The following TSC1 variants were observed in gnomAD, a reference collection of about 807,000 sequenced individuals.
TSC1 encodes the protein TSC complex subunit 1.
Under a neutral mutation model 124.3 loss-of-function variants are expected in TSC1, and 20 were observed. The observed-to-expected ratio is 0.16, with a 90% confidence interval of 0.11 to 0.23. The LOEUF is 0.23. TSC1 is among the 10% of genes least tolerant of loss of function. TSC1 has a pLI of 1.00. For missense variants in TSC1, 1,124 were observed against 1,448.5 expected, an observed-to-expected ratio of 0.78 and a Z score of 3.64; for synonymous variants, 493 against 539.1, an observed-to-expected ratio of 0.91 and a Z score of 1.19.
Position 132,923,456 on chromosome 9 carries a change from A to C in TSC1, c.400T>G (p.Leu134Val). 2 of 1,614,172 alleles carry C rather than the reference A, an allele frequency of 1.2e-6. No individual in the cohort carries two copies. The highest frequency in any genetic ancestry group is 1.7e-6 in the Non-Finnish European group (2 of 1,179,996). The change falls in exon 6 of 23, where the codon TTG (leucine) becomes GTG (valine). Residue 134 changes from leucine (L) to valine (V), a missense_variant. By Grantham distance (32) the Leu-to-Val change is conservative (BLOSUM62 1). Coordinates refer to ENST00000298552, the MANE Select transcript of TSC1 (RefSeq NM_000368.5). This position sits in a 1 kb window ranked among gnomAD's most constrained non-coding sequence, Gnocchi z 4.2. ...ATTGGTAGCATGGTTATCAACACCA[A>C]GACGCCTGTTGTGAGGACAACGACG... ...TDVVVLTTGV[L>V]VLITMLPMIP... is the part of the protein sequence containing the mutation.
chr9:132,896,255 T>G lies in TSC1; in HGVS notation c.3475A>C (p.Thr1159Pro), dbSNP rs1216169846. The G allele has an allele frequency of 6.2e-7, 1 of 1,614,180 alleles. No homozygotes were observed. The highest frequency in any genetic ancestry group is 8.5e-7 in the Non-Finnish European group (1 of 1,180,030). The change falls in exon 23 of 23, where the codon ACT becomes CCT. Residue 1159 changes from threonine (T) to proline (P), a missense_variant. Transcript: ENST00000298552. This position sits in a 1 kb window ranked among gnomAD's most constrained non-coding sequence, Gnocchi z 4.5. Reference protein sequence around the residue: ...GQLHIMDYNETHHEHS With the variant: ...GQLHIMDYNEPHHEHS The stretch of plus-strand genomic sequence containing the variant: ...ATTCCTTAGCTGTGTTCATGATGAG[T>G]CTCATTGTAGTCCATGATATGTAGC...
rs1320433711 is a variant in TSC1 at position 132,895,807 on chromosome 9, A to G, written c.*428T>C. On this transcript the variant is annotated 3_prime_UTR_variant, in exon 23 of 23. Transcript: ENST00000298552. Reference sequence around the variant, plus strand: ...AGGGACAAAACCAGACTTACCTGCAATGCAACAAACTACCTGGTCTAATTG... The same window carrying G: ...AGGGACAAAACCAGACTTACCTGCAGTGCAACAAACTACCTGGTCTAATTG... 1.0e-5 allele frequency: 3 copies of G among 290,542 alleles called. No homozygotes were observed. The highest frequency in any genetic ancestry group is 5.1e-5 in the East Asian group (1 of 19,422). 18.0% of individuals were successfully genotyped at this position (290,542 alleles called of 1,614,324 possible).
intron 1 of TSC1, among the ~76,000 whole-genome samples, chr9:132,938,329 C>T (rs1352419347): frequency 6.6e-6 from 1 of 152,204 alleles, no homozygotes; most frequent in Non-Finnish European, 1.5e-5. Flanking sequence ...TGTCAATCCA[C>T]GTCCTTATCT....
At chr9:132,937,906 G>T (rs942965047) in intron 1 of TSC1, among the ~76,000 whole-genome samples, 1 of 152,112 alleles carries the variant, frequency 6.6e-6, no homozygotes, top group African/African-American at 2.4e-5. Context: ...TGTAGAGACA[G>T]GGTCTCCCTA....
At chr9:132,911,181 ATGGCC>A in intron 10 of TSC1, 68 bp from the exon 11 acceptor site, 3 of 1,280,262 alleles carry the variant, frequency 2.3e-6, no homozygotes, top group Non-Finnish European at 3.4e-6. Context: ...GTTTATATCC[ATGGCC>A]AGTGTTCAGC....
At chr9:132,912,677 T>G in intron 8 of TSC1, 1 of 574,118 alleles carries the variant, frequency 1.7e-6, no homozygotes, top group East Asian at 3.0e-5. Flanking sequence ...GTTTACAAGC[T>G]AATCTGAAAC....
chr9:132,903,407 C>T lies in TSC1; in HGVS notation c.2208+244G>A, dbSNP rs535831381. Among the ~76,000 whole-genome samples, 2 of 152,132 alleles carry T rather than the reference C, an allele frequency of 1.3e-5. No individual in the cohort carries two copies. Among genetic ancestry groups the T allele is most frequent in the South Asian group, 4.1e-4 (2 of 4,822 alleles). ...GGAGAAATAAAATCATCTTCTGACC[C>T]TTCATCATCATGGCCAGTTACATGC... is the stretch of plus-strand genomic sequence containing the variant. On this transcript the variant is annotated intron_variant, in intron 17 of 22. Coordinates refer to ENST00000298552, the MANE Select transcript of TSC1 (RefSeq NM_000368.5). This position sits in a 1 kb window ranked among gnomAD's most constrained non-coding sequence, Gnocchi z 5.9.
rs1054513382 is a variant in TSC1, at chr9:132,895,697, T to C, written c.*538A>G. The C allele has an allele frequency of 2.1e-5, 5 of 241,284 alleles. No homozygotes were observed. The highest frequency in any genetic ancestry group is 1.1e-4 in the African/African-American group (5 of 45,382). The allele number at this position is 241,284 out of a possible 1,614,324, so 14.9% of individuals were successfully genotyped here. Reference sequence around the variant, plus strand: ...AGACCTGCTGCTTTAGATGCTGAACTTCAGAATCAAAAAAGCAGTCGGAAA... The same window carrying C: ...AGACCTGCTGCTTTAGATGCTGAACCTCAGAATCAAAAAAGCAGTCGGAAA... On this transcript the variant is annotated 3_prime_UTR_variant, in exon 23 of 23. Transcript: ENST00000298552.
chr9:132,934,174 C>T (rs1847341029), intron 2 of TSC1, among the ~76,000 whole-genome samples: 1 of 152,062 alleles, frequency 6.6e-6, no homozygotes, highest in African/African-American at 2.4e-5. Flanking sequence ...CAGAGCTGTC[C>T]ATGTACAAAG....
rs1488998375 is a variant in TSC1, at chr9:132,906,504, G to A, written c.1438+227C>T. 5.6e-6 allele frequency: 3 copies of A among 535,396 alleles called. No individual in the cohort carries two copies. The highest frequency in any genetic ancestry group is 2.0e-5 in the South Asian group (1 of 48,958). 33.2% of individuals were successfully genotyped at this position (535,396 alleles called of 1,614,324 possible). On this transcript the variant is annotated intron_variant, in intron 14 of 22. Coordinates refer to ENST00000298552, the MANE Select transcript of TSC1 (RefSeq NM_000368.5). This position sits in a 1 kb window ranked among gnomAD's most constrained non-coding sequence, Gnocchi z 4.1. ...GTCAAGGCTGCAGTGAGCCATGATC[G>A]TACCACTGCACTCCAGCCAGGGTGA...
Position 132,901,661 on chromosome 9 carries a change from C to T in TSC1, c.2430G>A (p.Leu810=), listed in dbSNP as rs2131707611. The T allele has an allele frequency of 6.2e-7, 1 of 1,614,128 alleles. No homozygotes were observed. Among genetic ancestry groups the T allele is most frequent in the Non-Finnish European group, 8.5e-7 (1 of 1,180,032 alleles). The part of the protein sequence containing the change: ...LEDCRNMIAE[L]RIELKKANNK... ...TGTTGGCCTTCTTCAGTTCTATCCG[C>T]AGCTCCGCAATCATGTTCCTGCAGT... The change falls in exon 19 of 23, where the codon CTG becomes CTA. Residue 810 remains leucine, a synonymous_variant. Coordinates refer to ENST00000298552, the MANE Select transcript of TSC1 (RefSeq NM_000368.5).
rs1005786246 is a variant in TSC1 at position 132,896,832 on chromosome 9, A to T, written c.2976-78T>A. 5.6e-6 allele frequency: 9 copies of T among 1,601,428 alleles called. No individual in the cohort carries two copies. The African/African-American group carries it at 1.1e-4, about 19-fold the overall frequency. ...TCGGAGGATGTGGAATTACACTGAC[A>T]CTCACTCACACTGACACTGAACTCC... On this transcript the variant is annotated intron_variant, in intron 22 of 22. Coordinates refer to ENST00000298552, the MANE Select transcript of TSC1 (RefSeq NM_000368.5). The surrounding 1 kb of genome is among the most constrained non-coding windows in gnomAD (Gnocchi z 4.5).
Position 132,892,924 on chromosome 9 carries a change from ACTATG to A in TSC1, c.*3306_*3310del, listed in dbSNP as rs1844845350. ...ATCTTTCCCAACAAATATACCAGAA[ACTATG>A]TGTGCTGTTGCAAATGGGGACGGCC... On this transcript the variant is annotated 3_prime_UTR_variant, in exon 23 of 23. Coordinates refer to ENST00000298552, the MANE Select transcript of TSC1 (RefSeq NM_000368.5). 1 of 233,072 alleles carries A rather than the reference ACTATG, an allele frequency of 4.3e-6. No homozygotes were observed. The highest frequency in any genetic ancestry group is 2.2e-5 in the African/African-American group (1 of 45,292). The allele number at this position is 233,072 out of a possible 1,614,324, so 14.4% of individuals were successfully genotyped here. A position where few individuals can be genotyped will look rare whatever the true frequency, so the allele number is the denominator to read the frequency against.
Position 132,925,611 on chromosome 9 carries a change from C to A in TSC1, c.339G>T (p.Leu113Phe). 1 of 1,614,174 alleles carries A rather than the reference C, an allele frequency of 6.2e-7. No homozygotes were observed. The highest frequency in any genetic ancestry group is 1.1e-5 in the South Asian group (1 of 91,082). Residue 113 changes from leucine to phenylalanine, a missense_variant, in exon 5 of 23, where the codon TTG (leucine) becomes TTT (phenylalanine). Coordinates refer to ENST00000298552, the MANE Select transcript of TSC1 (RefSeq NM_000368.5). ...CCTTGAGACATTTTAGTAAAGAAGG[C>A]AAAAGAGGTGCTTGAGAGAGCTTAT... ...WKHKLSQAPL[L>F]PSLLKCLKMD...
rs1845410830 is a variant in TSC1, at chr9:132,902,086, G to A, written c.2392-387C>T. 1 of 246,316 alleles carries A rather than the reference G, an allele frequency of 4.1e-6. No individual in the cohort carries two copies. The highest frequency in any genetic ancestry group is 5.1e-5 in the Admixed American group (1 of 19,524). 15.3% of individuals were successfully genotyped at this position (246,316 alleles called of 1,614,324 possible). A position where few individuals can be genotyped will look rare whatever the true frequency, so the allele number is the denominator to read the frequency against. ...CTGTGTCTGTGGATGACGTCTTTGT[G>A]AAGCCGGGTTTTTTTGGGTGCAGTG... On this transcript the variant is annotated intron_variant, in intron 18 of 22. Transcript: ENST00000298552. This position sits in a 1 kb window ranked among gnomAD's most constrained non-coding sequence, Gnocchi z 5.2.
In TSC1 at chr9:132,892,751, T is replaced by C. The variant is rs1335423130; in HGVS notation, c.*3484A>G. ...TTTGGTAGAAATTCACATTGGCTTG[T>C]CACAGCACACTTCAGTTCTGCTGGC... On this transcript the variant is annotated 3_prime_UTR_variant, in exon 23 of 23. Transcript: ENST00000298552. The C allele has an allele frequency of 8.6e-6, 2 of 233,208 alleles. No individual in the cohort carries two copies. The highest frequency in any genetic ancestry group is 1.7e-5 in the Non-Finnish European group (2 of 118,072). The allele number at this position is 233,208 out of a possible 1,614,324, so 14.4% of individuals were successfully genotyped here.
chr9:132,898,141 C>A (rs1197195416), intron 20 of TSC1, among the ~76,000 whole-genome samples: 1 of 152,202 alleles, frequency 6.6e-6, no homozygotes. Context: ...CTTTTCTCCC[C>A]CTCCTGACAA....
At chr9:132,900,462 CT>C (rs1176478983) in intron 20 of TSC1, 2 of 504,006 alleles carry the variant, frequency 4.0e-6, no homozygotes, top group African/African-American at 3.9e-5. Flanking sequence ...AAAGGAAACA[CT>C]TTACACCTAC....
At chr9:132,944,667 GAA>G (rs1345876739), upstream of TSC1, 1 of 398,592 alleles carries the variant, frequency 2.5e-6, no homozygotes, top group Non-Finnish European at 4.4e-6. Context: ...CCTCCGCCAC[GAA>G]AAAGAGTCCC....
Sources: gnomAD v4.1 joint callset for allele counts (sites outside exome capture counted in the v4.1 genomes callset) on GRCh38, gnomAD v4.1.1 for gene constraint, Gnocchi (gnomAD v3.1) non-coding constraint, MANE v1.5 for transcripts, NCBI Gene and HGNC (gene_info 2026-07-23, HGNC 2026-07-21) for gene names.